The following FILIP1 variants were observed in gnomAD, a reference collection of about 807,000 sequenced individuals.
The protein encoded by FILIP1 is filamin-A-interacting protein 1.
Under a neutral mutation model 102.1 loss-of-function variants are expected in FILIP1, and 61 were observed. The ratio of observed to expected loss-of-function variants is 0.60; its 90% confidence interval spans 0.49 to 0.74. FILIP1 has a LOEUF of 0.74. Ranked by LOEUF, FILIP1 falls within the 30% of genes least tolerant of loss-of-function variation. The probability of loss-of-function intolerance (pLI) is 0.00; values close to 1 mark genes in which losing one functional copy is unlikely to be tolerated. For synonymous variants in FILIP1, 491 were observed against 526.9 expected, an observed-to-expected ratio of 0.93 and a Z score of 0.93; for missense variants, 1,314 against 1,441.2, an observed-to-expected ratio of 0.91 and a Z score of 1.43.
chr6:75,472,153 G>GA (rs1779350876), intron 1 of FILIP1, among the ~76,000 whole-genome samples: 1 of 151,952 alleles, frequency 6.6e-6, no homozygotes, highest in South Asian at 2.1e-4. Flanking sequence ...CATATTACTG[G>GA]AAAATCCAAA....
chr6:75,406,158 C>T (rs1226938081), intron 2 of FILIP1, among the ~76,000 whole-genome samples: 2 of 152,172 alleles, frequency 1.3e-5, no homozygotes, highest in Non-Finnish European at 2.9e-5. Flanking sequence ...ACTCCCCTGA[C>T]TTCTACATCG....
chr6:75,319,604 G>C (rs1257242533), intron 4 of FILIP1: 2 of 456,570 alleles, frequency 4.4e-6, no homozygotes, highest in Admixed American at 5.2e-5. Flanking sequence ...GCCGAGGCTG[G>C]CGGATCACAA....
chr6:75,416,405 A>G (rs1441304642), intron 1 of FILIP1, among the ~76,000 whole-genome samples: 4 of 152,124 alleles, frequency 2.6e-5, no homozygotes, highest in Non-Finnish European at 4.4e-5. Context: ...TCTTGATGCT[A>G]GCACCCTGTT....
intron 1 of FILIP1, among the ~76,000 whole-genome samples, chr6:75,441,292 G>T (rs1334936134): frequency 2.6e-5 from 4 of 152,104 alleles, no homozygotes; most frequent in Non-Finnish European, 5.9e-5. Flanking sequence ...AGAGCACAGG[G>T]TTGGGGATAA....
downstream of FILIP1, among the ~76,000 whole-genome samples, chr6:75,306,680 C>T (rs902460031): frequency 5.9e-5 from 9 of 152,140 alleles, no homozygotes. Flanking sequence ...CTTTCTCAGT[C>T]TCTCCCTCTC....
Position 75,312,387 on chromosome 6 carries a change from T to C in FILIP1, c.3435+10A>G. The stretch of plus-strand genomic sequence containing the variant: ...CTGCAGGCCTGCGCTTTGGAGCCTC[T>C]TCTACTCACCACTGACTGGGTTCCT... On this transcript the variant is annotated intron_variant, in intron 5 of 5. Coordinates refer to ENST00000237172, the MANE Select transcript of FILIP1 (RefSeq NM_015687.5). 6.2e-7 allele frequency: 1 copy of C among 1,609,932 alleles called. No individual in the cohort carries two copies. The highest frequency in any genetic ancestry group is 8.5e-7 in the Non-Finnish European group (1 of 1,177,694).
At chr6:75,316,720 G>C (rs1449122929) in intron 4 of FILIP1, among the ~76,000 whole-genome samples, 1 of 152,040 alleles carries the variant, frequency 6.6e-6, no homozygotes, top group Non-Finnish European at 1.5e-5. Context: ...AAATCATTAT[G>C]ACTTTATTCC....
At chr6:75,294,839 C>T (rs931326630) in exon 7 of FILIP1, 8 of 148,726 alleles carry the variant, frequency 5.4e-5, no homozygotes, top group Admixed American at 4.0e-4. Flanking sequence ...ACTACAGGCA[C>T]GTGCAATCAG....
intron 6 of FILIP1, among the ~76,000 whole-genome samples, chr6:75,298,097 CA>C (rs1392863712): frequency 1.3e-5 from 2 of 151,972 alleles, no homozygotes; most frequent in African/African-American, 2.4e-5. Context: ...TAGCATTTTG[CA>C]CAACTTAAGA....
intron 1 of FILIP1, among the ~76,000 whole-genome samples, chr6:75,449,712 T>C (rs1446948207): frequency 7.3e-6 from 1 of 136,356 alleles, no homozygotes; most frequent in Admixed American, 7.2e-5. Context: ...ACTAATGATA[T>C]TTATTTGACT....
intron 2 of FILIP1, among the ~76,000 whole-genome samples, chr6:75,409,595 C>T (rs191089431): frequency 3.4e-4 from 51 of 152,156 alleles, no homozygotes; most frequent in Middle Eastern, 3.4e-3. Flanking sequence ...TGAAAAACCA[C>T]GAAACTAGGA....
chr6:75,436,201 T>C (rs1258372429), intron 1 of FILIP1, among the ~76,000 whole-genome samples: 3 of 151,956 alleles, frequency 2.0e-5, no homozygotes, highest in Non-Finnish European at 4.4e-5. Context: ...GGTGAAACCC[T>C]GTCTCTACTA....
intron 2 of FILIP1, chr6:75,386,237 T>C (rs963306400): frequency 6.6e-6 from 1 of 152,228 alleles, no homozygotes; most frequent in Non-Finnish European, 1.5e-5. Flanking sequence ...AGTGGTCAGA[T>C]GAAAGCATGG....
At chr6:75,375,997 G>C (rs1176497125) in intron 2 of FILIP1, among the ~76,000 whole-genome samples, 1 of 152,116 alleles carries the variant, frequency 6.6e-6, no homozygotes, top group Non-Finnish European at 1.5e-5. Flanking sequence ...AATTTTAAGG[G>C]TTTGGGCACA....
rs1774890917 is a variant in FILIP1 at position 75,353,686 on chromosome 6, G to C, written c.482C>G (p.Thr161Ser). 1 of 1,613,858 alleles carries C rather than the reference G, an allele frequency of 6.2e-7. No homozygotes were observed. Among genetic ancestry groups the C allele is most frequent in the Non-Finnish European group, 8.5e-7 (1 of 1,180,018 alleles). Residue 161 changes from threonine to serine, a missense_variant, in exon 4 of 6, where the codon ACC becomes AGC. Thr to Ser is a moderately conservative substitution (Grantham distance 58). Transcript: ENST00000237172. ...CAGCTGCTCTAGCATGCGCCGGTAG[G>C]TTTCTTTCTGTTTTTCCTCAAGTCT... ...LDRLEEKQKE[T>S]YRRMLEQLLL...
Position 75,314,340 on chromosome 6 carries a change from G to C in FILIP1, c.1492C>G (p.Leu498Val). The change falls in exon 5 of 6, where the codon CTT becomes GTT. Residue 498 changes from leucine to valine, a missense_variant. By Grantham distance (32) the Leu-to-Val change is conservative. This residue lies in a region of FILIP1 where 816 missense variants were observed against 913.1 expected (regional missense o/e 0.89). Coordinates refer to ENST00000237172, the MANE Select transcript of FILIP1 (RefSeq NM_015687.5). ...EKAELSLKDD[L>V]TKLKSFTVML... ...ACGGTAAATGACTTCAACTTGGTAA[G>C]ATCATCTTTTAGGCTTAATTCAGCC... 6.6e-7 allele frequency: 1 copy of C among 1,519,030 alleles called. No homozygotes were observed. The highest frequency in any genetic ancestry group is 8.7e-7 in the Non-Finnish European group (1 of 1,143,194). The allele number at this position is 1,519,030 out of a possible 1,614,324, so 94.1% of individuals were successfully genotyped here.
intron 2 of FILIP1, 106 bp from the exon 3 acceptor site, chr6:75,363,023 G>A: frequency 8.8e-7 from 1 of 1,130,518 alleles, no homozygotes; most frequent in Non-Finnish European, 1.3e-6. Context: ...TCTTGTCAGG[G>A]CTATTGGCAA....
Position 75,493,476 on chromosome 6 carries a change from C to T in FILIP1, c.-69G>A, listed in dbSNP as rs1163183845. The T allele has an allele frequency of 1.3e-5, 2 of 152,138 alleles. No individual in the cohort carries two copies. The highest frequency in any genetic ancestry group is 4.8e-5 in the African/African-American group (2 of 41,404). The allele number at this position is 152,138 out of a possible 1,614,324, so 9.4% of individuals were successfully genotyped here. On this transcript the variant is annotated 5_prime_UTR_variant, in exon 1 of 6. Coordinates refer to ENST00000237172, the MANE Select transcript of FILIP1 (RefSeq NM_015687.5). ...TGTAGGTAGTTTATCCTTTGAAGAA[C>T]CCAGTGGCTTGTCTCACAGCCCAAG...
chr6:75,325,154 G>T (rs1487938998), intron 4 of FILIP1, among the ~76,000 whole-genome samples: 1 of 152,228 alleles, frequency 6.6e-6, no homozygotes, highest in African/African-American at 2.4e-5. Flanking sequence ...GGTGGTGCAT[G>T]CCTATAATCC....
Sources: allele counts gnomAD v4.1 joint callset (sites outside exome capture counted in the v4.1 genomes callset), GRCh38; gene constraint gnomAD v4.1.1; regional missense constraint gnomAD v4.1.1; transcripts MANE v1.5; gene names NCBI Gene and HGNC (gene_info 2026-07-23, HGNC 2026-07-21).